PDE1A: variants seen among roughly 807,000 people sequenced by gnomAD.
The protein encoded by PDE1A is dual specificity calcium/calmodulin-dependent 3',5'-cyclic nucleotide phosphodiesterase 1A.
Under a neutral mutation model 61.7 loss-of-function variants are expected in PDE1A, and 35 were observed. The observed-to-expected ratio is 0.57, with a 90% confidence interval of 0.43 to 0.75. PDE1A has a LOEUF of 0.75. Among genes scored for constraint, PDE1A ranks in the 30% least tolerant of loss-of-function variants. The pLI, the probability that PDE1A is intolerant of heterozygous loss-of-function variation, is 0.00. For synonymous variants in PDE1A, 232 were observed against 213.2 expected, an observed-to-expected ratio of 1.09 and a Z score of -0.77; for missense variants, 597 against 630.6, an observed-to-expected ratio of 0.95 and a Z score of 0.57.
At chr2:182,194,890 CA>C in intron 10 of PDE1A, among the ~76,000 whole-genome samples, 2 of 135,662 alleles carry the variant, frequency 1.5e-5, no homozygotes, top group Non-Finnish European at 3.0e-5. Flanking sequence ...TTCACACACA[CA>C]CACACACACA....
intron 7 of PDE1A, among the ~76,000 whole-genome samples, chr2:182,212,066 C>T (rs1329225185): frequency 6.6e-6 from 1 of 152,018 alleles, no homozygotes; most frequent in Non-Finnish European, 1.5e-5. Context: ...TGAGAGGGGA[C>T]ATCTTCCCTT....
chr2:182,601,915 T>TG, the PDE1A span, among the ~76,000 whole-genome samples: 2 of 152,074 alleles, frequency 1.3e-5, no homozygotes, highest in Admixed American at 1.3e-4. Flanking sequence ...CAGCCATGGG[T>TG]GGGCCCAGAG....
At chr2:182,577,077 T>G in the PDE1A span, among the ~76,000 whole-genome samples, 1 of 152,228 alleles carries the variant, frequency 6.6e-6, no homozygotes, top group Non-Finnish European at 1.5e-5. Context: ...AAGTTTTTAA[T>G]TTCAATGTAG....
At position 182,386,614 on chromosome 2, in the gene PDE1A, G is replaced by A. The variant is rs982640148; in HGVS notation, c.53+39964C>T. Among the ~76,000 whole-genome samples the A allele has an allele frequency of 4.7e-4, 70 of 148,960 alleles. 1 individual carries two copies. Among genetic ancestry groups the A allele is most frequent in the African/African-American group, 7.5e-4 (30 of 39,762 alleles). ...TGAGGAGCCCCTCCGCCCAGCAGCC[G>A]CCCCATCTGAGAAGCGAGGAGCCCC... On this transcript the variant is annotated intron_variant, in intron 1 of 13. Coordinates refer to ENST00000351439, the Ensembl canonical transcript of PDE1A.
At chr2:182,574,324 CGAT>C in the PDE1A span, among the ~76,000 whole-genome samples, 1 of 152,124 alleles carries the variant, frequency 6.6e-6, no homozygotes, top group East Asian at 1.9e-4. Context: ...CACTCAGGGT[CGAT>C]GCTTTACATC....
intron 1 of PDE1A, among the ~76,000 whole-genome samples, chr2:182,403,514 G>A (rs1351980367): frequency 5.3e-5 from 8 of 151,512 alleles, no homozygotes; most frequent in Non-Finnish European, 8.8e-5. Flanking sequence ...CAGGAGAATG[G>A]TGGGAACCCG....
the PDE1A span, among the ~76,000 whole-genome samples, chr2:182,698,288 G>A: frequency 8.8e-4 from 134 of 152,240 alleles, 1 homozygote; most frequent in African/African-American, 3.1e-3. Flanking sequence ...AAATCCTGCA[G>A]GAATCTATCT....
the PDE1A span, among the ~76,000 whole-genome samples, chr2:182,649,153 T>G: frequency 7.4e-4 from 112 of 152,282 alleles, 1 homozygote; most frequent in African/African-American, 2.5e-3. Context: ...TGTGAGTTAG[T>G]TGAGAAGAAA....
At chr2:182,174,729 T>TA (rs1183142819) in intron 13 of PDE1A, among the ~76,000 whole-genome samples, 7 of 148,134 alleles carry the variant, frequency 4.7e-5, no homozygotes, top group Non-Finnish European at 9.0e-5. Flanking sequence ...CTCATTTGTT[T>TA]TTTATTTATT....
chr2:182,456,436 G>A (rs762818345), intron 2 of PDE1A, among the ~76,000 whole-genome samples: 6 of 151,962 alleles, frequency 3.9e-5, no homozygotes, highest in East Asian at 3.9e-4. Flanking sequence ...TATAAATGAC[G>A]TAACTTACCC....
At chr2:182,410,482 C>T (rs1160216330) in intron 1 of PDE1A, among the ~76,000 whole-genome samples, 1 of 152,064 alleles carries the variant, frequency 6.6e-6, no homozygotes. Context: ...TGAATTCTTT[C>T]CAACTATAAC....
At chr2:182,519,483 T>A (rs1690426544) in intron 2 of PDE1A, among the ~76,000 whole-genome samples, 1 of 151,884 alleles carries the variant, frequency 6.6e-6, no homozygotes, top group Non-Finnish European at 1.5e-5. Context: ...GAAGTCTACA[T>A]CAGAATGGGA....
At chr2:182,234,533 T>A in intron 3 of PDE1A, 35 bp from the exon 4 acceptor site, 1 of 1,352,342 alleles carries the variant, frequency 7.4e-7, no homozygotes, top group Non-Finnish European at 1.0e-6. Context: ...AATATAAAAT[T>A]CATTTATTCA....
At chr2:182,335,115 G>A (rs1227758431) in intron 1 of PDE1A, among the ~76,000 whole-genome samples, 2 of 152,096 alleles carry the variant, frequency 1.3e-5, no homozygotes, top group South Asian at 2.1e-4. Context: ...GAAAATAAGA[G>A]AGGACACAAA....
intron 2 of PDE1A, among the ~76,000 whole-genome samples, chr2:182,511,479 C>G (rs1036033436): frequency 2.0e-5 from 3 of 152,102 alleles, no homozygotes; most frequent in African/African-American, 7.2e-5. Context: ...TGCAGGAGAC[C>G]CCATGACACA....
chr2:182,661,280 TTTAGGTGTA>T, the PDE1A span, among the ~76,000 whole-genome samples: 1 of 152,232 alleles, frequency 6.6e-6, no homozygotes, highest in African/African-American at 2.4e-5. Context: ...TCACTGTGCA[TTTAGGTGTA>T]TAATTTTCTG....
intron 13 of PDE1A, among the ~76,000 whole-genome samples, chr2:182,147,823 G>T (rs1946602): frequency 0.75 from 114,048 of 152,142 alleles, 43,035 homozygotes; most frequent in East Asian, 0.9. Flanking sequence ...AATATCTTGA[G>T]AGTTCAGGAA....
upstream of PDE1A, among the ~76,000 whole-genome samples, chr2:182,525,486 C>A (rs532915275): frequency 6.6e-6 from 1 of 151,950 alleles, no homozygotes; most frequent in African/African-American, 2.4e-5. Context: ...AAATATAAGC[C>A]CCAGTTCTAG....
the PDE1A span, among the ~76,000 whole-genome samples, chr2:182,572,888 A>C: frequency 6.6e-6 from 1 of 151,810 alleles, no homozygotes; most frequent in Admixed American, 6.6e-5. Context: ...AAAAAAAAAA[A>C]AGTGAAAGAT....
Sources: gnomAD v4.1 joint callset for allele counts (sites outside exome capture counted in the v4.1 genomes callset) on GRCh38, gnomAD v4.1.1 for gene constraint, MANE v1.5 for transcripts, NCBI Gene and HGNC (gene_info 2026-07-23, HGNC 2026-07-21) for gene names.